The following PCDHA7 variants were observed in gnomAD, a reference collection of about 807,000 sequenced individuals.
PCDHA7 encodes the protein protocadherin alpha-7.
Under a neutral mutation model 57.2 loss-of-function variants are expected in PCDHA7, and 37 were observed. The ratio of observed to expected loss-of-function variants is 0.65; its 90% CI spans 0.50 to 0.85. The LOEUF is 0.85. Among genes scored for constraint, PCDHA7 ranks in the 40% least tolerant of loss-of-function variants. The pLI, the probability that PCDHA7 is intolerant of heterozygous loss-of-function variation, is 0.00. For synonymous variants in PCDHA7, 553 were observed against 558.8 expected (o/e 0.99, Z 0.15); for missense variants, 1,188 against 1,241.8 (o/e 0.96, Z 0.65).
intron 1 of PCDHA7, chr5:140,928,280 C>T (rs781831365): frequency 6.2e-7 from 1 of 1,614,076 alleles, no homozygotes; most frequent in African/African-American, 1.3e-5. Context: ...CCTGGGGCCT[C>T]TCTAGGCCGA....
At chr5:140,959,203 G>A (rs1554223942) in intron 1 of PCDHA7, among the ~76,000 whole-genome samples, 1 of 152,128 alleles carries the variant, frequency 6.6e-6, no homozygotes. Context: ...ATGGTGAAAT[G>A]CTGTCCTTAC....
chr5:140,982,789 G>A (rs894929116), intron 3 of PCDHA7, among the ~76,000 whole-genome samples: 3 of 151,400 alleles, frequency 2.0e-5, no homozygotes, highest in Admixed American at 6.5e-5. Context: ...GTGCACGCAT[G>A]TGTGCATGTG....
chr5:140,883,481 T>C (rs1401240290), intron 1 of PCDHA7: 1 of 1,614,166 alleles, frequency 6.2e-7, no homozygotes, highest in East Asian at 2.2e-5. Flanking sequence ...CAAGAACTAC[T>C]ACTCATTAGT....
chr5:140,915,373 C>T (rs1234241584), intron 1 of PCDHA7, among the ~76,000 whole-genome samples: 12 of 152,126 alleles, frequency 7.9e-5, no homozygotes, highest in African/African-American at 2.2e-4. Flanking sequence ...GTAAGTGTCT[C>T]GGCATTGAAG....
intron 1 of PCDHA7, among the ~76,000 whole-genome samples, chr5:140,890,662 C>T (rs75284753): frequency 0.011 from 1,622 of 152,252 alleles, 17 homozygotes; most frequent in African/African-American, 0.028. Flanking sequence ...CAAAAGTTAA[C>T]TGAAACCCTT....
At chr5:140,871,488 C>G (rs370808040) in intron 1 of PCDHA7, 14 of 1,591,168 alleles carry the variant, frequency 8.8e-6, no homozygotes, top group African/African-American at 1.3e-5. Context: ...CAAATCACCC[C>G]GGACAGGTGA....
intron 1 of PCDHA7, among the ~76,000 whole-genome samples, chr5:140,941,301 TTTC>T (rs1554214297): frequency 1.4e-5 from 2 of 143,748 alleles, no homozygotes; most frequent in African/African-American, 2.6e-5. Flanking sequence ...TCTTTCTTTC[TTTC>T]TTTTTCTTCT....
At chr5:140,862,203 C>G (rs1481623018) in intron 1 of PCDHA7, 1 of 175,658 alleles carries the variant, frequency 5.7e-6, no homozygotes, top group Non-Finnish European at 1.2e-5. Context: ...AATGTTTGAT[C>G]ACTGCACAGA....
chr5:140,933,306 G>A (rs1159375359), intron 1 of PCDHA7, among the ~76,000 whole-genome samples: 1 of 151,920 alleles, frequency 6.6e-6, no homozygotes, highest in African/African-American at 2.4e-5. Context: ...AAATAAATAT[G>A]CAATCTCGTA....
chr5:140,962,370 T>G (rs1554225991), intron 1 of PCDHA7, among the ~76,000 whole-genome samples: 1 of 152,214 alleles, frequency 6.6e-6, no homozygotes, highest in South Asian at 2.1e-4. Flanking sequence ...GCTAGTTTGA[T>G]TTTATCTGTT....
At position 140,835,744 on chromosome 5, in the gene PCDHA7, C is replaced by T. The variant is rs2150243838; in HGVS notation, c.1361C>T (p.Ala454Val). Residue 454 changes from alanine (A) to valine (V), a missense_variant, in exon 1 of 4, where the codon GCG becomes GTG. Coordinates refer to ENST00000525929, the MANE Select transcript of PCDHA7 (RefSeq NM_018910.3). ...EVADVNDNAP[A>V]FAQPEYTVFV... is the part of the protein sequence containing the mutation. ...GCCGACGTGAACGACAACGCCCCGG[C>T]GTTCGCGCAGCCCGAGTATACGGTG... is the stretch of plus-strand genomic sequence containing the variant. The T allele has an allele frequency of 5.6e-6, 9 of 1,613,652 alleles. No homozygotes were observed. The Admixed American group carries it at 1.3e-4, about 24-fold the overall frequency.
intron 1 of PCDHA7, chr5:140,927,773 A>C (rs143568645): frequency 6.2e-7 from 1 of 1,614,078 alleles, no homozygotes; most frequent in Non-Finnish European, 8.5e-7. Flanking sequence ...GGGGAGGTGC[A>C]AGTAGCTGCT....
intron 1 of PCDHA7, chr5:140,842,836 G>C: frequency 6.3e-7 from 1 of 1,593,818 alleles, no homozygotes; most frequent in Non-Finnish European, 8.6e-7. Context: ...GCTCGCTGTC[G>C]AGCTACATTT....
At chr5:140,875,372 T>C in intron 1 of PCDHA7, 5 of 1,451,920 alleles carry the variant, frequency 3.4e-6, no homozygotes, top group Non-Finnish European at 4.5e-6. Flanking sequence ...AAAAATTTAC[T>C]AAATATGTAC....
intron 3 of PCDHA7, among the ~76,000 whole-genome samples, chr5:140,985,532 G>C (rs1358120172): frequency 6.6e-6 from 1 of 152,072 alleles, no homozygotes; most frequent in African/African-American, 2.4e-5. Flanking sequence ...AAAGCTTCAC[G>C]GTGAAGATGC....
In PCDHA7 at chr5:140,836,225, G is replaced by A. The variant is rs1774300222; in HGVS notation, c.1842G>A (p.Val614=). The A allele has an allele frequency of 6.2e-7, 1 of 1,613,770 alleles. No homozygotes were observed. Among genetic ancestry groups the A allele is most frequent in the Non-Finnish European group, 8.5e-7 (1 of 1,179,804 alleles). The change falls in exon 1 of 4, where the codon GTG becomes GTA. Residue 614 remains valine, a synonymous_variant. Coordinates refer to ENST00000525929, the MANE Select transcript of PCDHA7 (RefSeq NM_018910.3). The part of the protein sequence containing the change: ...NAWLSYELQP[V]AAGASIPFRV... ...GGCTTTCGTATGAGTTGCAACCGGT[G>A]GCGGCCGGTGCGAGCATCCCGTTCC...
At chr5:140,898,970 C>T (rs2067071539) in intron 1 of PCDHA7, among the ~76,000 whole-genome samples, 2 of 152,006 alleles carry the variant, frequency 1.3e-5, no homozygotes, top group South Asian at 4.2e-4. Context: ...TGGGAGTTCA[C>T]TCATGATTTG....
At chr5:140,979,820 T>A (rs937223402) in intron 2 of PCDHA7, among the ~76,000 whole-genome samples, 19 of 152,198 alleles carry the variant, frequency 1.2e-4, no homozygotes, top group African/African-American at 4.6e-4. Context: ...AGGATTTAAT[T>A]TTAAAGAAGA....
chr5:140,959,303 T>C (rs1467527270), intron 1 of PCDHA7, among the ~76,000 whole-genome samples: 1 of 151,938 alleles, frequency 6.6e-6, no homozygotes, highest in African/African-American at 2.4e-5. Flanking sequence ...CTGAGCCCGG[T>C]GGTTGAAGCT....
Sources: gnomAD v4.1 joint callset for allele counts (sites outside exome capture counted in the v4.1 genomes callset) on GRCh38, gnomAD v4.1.1 for gene constraint, MANE v1.5 for transcripts, NCBI Gene and HGNC (gene_info 2026-07-23, HGNC 2026-07-21) for gene names.